Variants in HPSE2 observed in about 807,000 individuals in gnomAD.
The protein encoded by HPSE2 is heparanase 2 (inactive).
A neutral mutation model predicts 60.5 loss-of-function variants in HPSE2; 38 were observed. The ratio of observed to expected loss-of-function variants is 0.63; its 90% confidence interval spans 0.48 to 0.82. The LOEUF (loss-of-function observed/expected upper bound fraction) is 0.82. HPSE2 is among the 40% of genes least tolerant of loss of function. The pLI, the probability that HPSE2 is intolerant of heterozygous loss-of-function variation, is 0.00. For synonymous variants in HPSE2, 295 were observed against 293.2 expected (o/e 1.01, Z -0.06); for missense variants, 713 against 740.4 (o/e 0.96, Z 0.43).
chr10:99,186,820 AG>A (rs1336807573), intron 2 of HPSE2, among the ~76,000 whole-genome samples: 1 of 152,150 alleles, frequency 6.6e-6, no homozygotes, highest in Non-Finnish European at 1.5e-5. Context: ...TCTGCTGTCC[AG>A]GCTGGAGTGC....
intron 11 of HPSE2, among the ~76,000 whole-genome samples, chr10:98,461,101 A>T (rs925865689): frequency 6.6e-6 from 1 of 152,284 alleles, no homozygotes; most frequent in South Asian, 2.1e-4. Context: ...AAATTGATAT[A>T]GAGGTCTTTG....
chr10:98,741,994 T>A (rs908258687), intron 4 of HPSE2, among the ~76,000 whole-genome samples: 1 of 152,100 alleles, frequency 6.6e-6, no homozygotes, highest in African/African-American at 2.4e-5. Context: ...TGTCAAAAAA[T>A]ATAAATAGAA....
intron 3 of HPSE2, among the ~76,000 whole-genome samples, chr10:98,907,743 T>G (rs1953863264): frequency 6.6e-6 from 1 of 152,168 alleles, no homozygotes; most frequent in Admixed American, 6.5e-5. Flanking sequence ...CCTTATTGAG[T>G]CAATCTGGAT....
chr10:98,889,512 T>TTA lies in HPSE2; in HGVS notation c.611-145457_611-145456insTA, dbSNP rs550966555. On this transcript the variant is annotated intron_variant, in intron 3 of 11. Transcript: ENST00000370552. Reference sequence around the variant, plus strand: ...CGTGAGCCACTGCACCCAGCCGGTTTTTAAACTTTTATTCTTGGGCTAGCT... The same window carrying TTA: ...CGTGAGCCACTGCACCCAGCCGGTTTTATTAAACTTTTATTCTTGGGCTAGCT... Among the ~76,000 whole-genome samples, 42 of 152,210 alleles carry TTA rather than the reference T, an allele frequency of 2.8e-4. No individual in the cohort carries two copies. The East Asian group carries it at 7.9e-3, about 29-fold the overall frequency.
At chr10:98,987,014 C>CA (rs1490914436) in intron 3 of HPSE2, among the ~76,000 whole-genome samples, 1 of 151,858 alleles carries the variant, frequency 6.6e-6, no homozygotes, top group East Asian at 1.9e-4. Flanking sequence ...GCCTACCAAC[C>CA]AAAAAAAGTC....
chr10:98,939,062 C>T (rs1954903736), intron 3 of HPSE2, among the ~76,000 whole-genome samples: 1 of 143,794 alleles, frequency 7.0e-6, no homozygotes, highest in South Asian at 2.1e-4. Context: ...ACCAGGCCTG[C>T]CCTAAAACAG....
Position 98,560,034 on chromosome 10 carries a change from T to C in HPSE2, c.1320+54870A>G, listed in dbSNP as rs892995979. ...GCTGGAGTCAGACCATGGAGAGTCA[T>C]GGAGGCCTCACTACAGACTTTACTG... On this transcript the variant is annotated intron_variant, in intron 9 of 11. Transcript: ENST00000370552. 2.0e-5 allele frequency among the ~76,000 whole-genome samples: 3 copies of C among 152,132 alleles called. No homozygotes were observed. In the South Asian group the frequency reaches 6.2e-4, roughly 32 times the overall value.
the HPSE2 span, among the ~76,000 whole-genome samples, chr10:99,271,455 T>C: frequency 9.7e-4 from 148 of 152,236 alleles, no homozygotes; most frequent in African/African-American, 3.3e-3. Context: ...GAAAGACCTC[T>C]ACAAGGAAAA....
chr10:98,936,718 C>T lies in HPSE2; in HGVS notation c.611-192662G>A, dbSNP rs985947651. 2.8e-5 allele frequency among the ~76,000 whole-genome samples: 4 copies of T among 142,966 alleles called. No homozygotes were observed. The East Asian group carries it at 6.0e-4, about 21-fold the overall frequency. The allele number at this position is 142,966 out of a possible 152,430, so 93.8% of individuals were successfully genotyped here. On this transcript the variant is annotated intron_variant, in intron 3 of 11. Transcript: ENST00000370552. ...AGTTTTGGCCAGGTGCGGTGGCTCACGCCTGTAATCCCAGCACTTTGGGAG... is the reference window on the plus strand; with the variant it reads ...AGTTTTGGCCAGGTGCGGTGGCTCATGCCTGTAATCCCAGCACTTTGGGAG...
chr10:98,539,797 C>T (rs530940585), intron 9 of HPSE2, among the ~76,000 whole-genome samples: 1 of 152,304 alleles, frequency 6.6e-6, no homozygotes, highest in Admixed American at 6.5e-5. Flanking sequence ...GCACTCTGCC[C>T]TAAGCACTTT....
At chr10:98,513,373 T>G (rs570337109) in intron 9 of HPSE2, among the ~76,000 whole-genome samples, 1 of 152,208 alleles carries the variant, frequency 6.6e-6, no homozygotes, top group South Asian at 2.1e-4. Flanking sequence ...GTGGCAGCAG[T>G]GAGAAACATT....
At chr10:98,513,111 G>T (rs987059472) in intron 9 of HPSE2, among the ~76,000 whole-genome samples, 6 of 152,110 alleles carry the variant, frequency 3.9e-5, no homozygotes, top group African/African-American at 1.4e-4. Context: ...TATCCCTAGA[G>T]TCTAACACAG....
At chr10:99,210,049 G>T (rs951991105) in intron 2 of HPSE2, among the ~76,000 whole-genome samples, 1 of 152,000 alleles carries the variant, frequency 6.6e-6, no homozygotes, top group East Asian at 1.9e-4. Flanking sequence ...AGAAAAAAGA[G>T]AAAAAACTAA....
chr10:98,932,479 C>T lies in HPSE2; in HGVS notation c.611-188423G>A, dbSNP rs1954667575. On this transcript the variant is annotated intron_variant, in intron 3 of 11. Transcript: ENST00000370552. ...GTTTTGGAATCAGGATGATGCTGGC[C>T]TCATAAAATGAGTTAGAGGGGAGTC... 1.4e-5 allele frequency among the ~76,000 whole-genome samples: 2 copies of T among 143,954 alleles called. 1 individual carries two copies. Among genetic ancestry groups the T allele is most frequent in the East Asian group, 3.9e-4 (2 of 5,106 alleles). 94.4% of individuals were successfully genotyped at this position (143,954 alleles called of 152,430 possible).
intron 3 of HPSE2, among the ~76,000 whole-genome samples, chr10:98,796,461 T>A (rs775545916): frequency 2.0e-5 from 3 of 151,552 alleles, no homozygotes; most frequent in South Asian, 2.1e-4. Context: ...GAGAGAAGAG[T>A]GGGAAGGACT....
chr10:98,490,044 G>A lies in HPSE2; in HGVS notation c.1466+7C>T. Reference sequence around the variant, plus strand: ...GTGGCCTTTCTGCCATCTTTCTGAGGACTTACTTGTGGTGGTTTGTGCAGT... The same window carrying A: ...GTGGCCTTTCTGCCATCTTTCTGAGAACTTACTTGTGGTGGTTTGTGCAGT... On this transcript the variant is annotated splice_region_variant and intron_variant, in intron 10 of 11. Transcript: ENST00000370552. 1.2e-6 allele frequency: 2 copies of A among 1,614,178 alleles called. No homozygotes were observed. Among genetic ancestry groups the A allele is most frequent in the East Asian group, 4.5e-5 (2 of 44,886 alleles).
chr10:99,048,018 A>T, intron 3 of HPSE2: 1 of 690,380 alleles, frequency 1.4e-6, no homozygotes, highest in Non-Finnish European at 2.6e-6. Context: ...AAGCTCAACA[A>T]GGCTGCAATT....
intron 9 of HPSE2, among the ~76,000 whole-genome samples, chr10:98,530,124 C>T (rs1413692963): frequency 6.6e-6 from 1 of 152,136 alleles, no homozygotes; most frequent in Non-Finnish European, 1.5e-5. Flanking sequence ...CTTTTGGTTT[C>T]CTTCTGGCTG....
At chr10:98,815,786 C>T (rs1458647779) in intron 3 of HPSE2, among the ~76,000 whole-genome samples, 2 of 152,036 alleles carry the variant, frequency 1.3e-5, no homozygotes, top group African/African-American at 2.4e-5. Flanking sequence ...CATTTCTCCA[C>T]GTCCTCTTCT....
Sources: allele counts gnomAD v4.1 joint callset (sites outside exome capture counted in the v4.1 genomes callset), GRCh38; gene constraint gnomAD v4.1.1; transcripts MANE v1.5; gene names NCBI Gene and HGNC (gene_info 2026-07-23, HGNC 2026-07-21).